The following FRMD4A variants were observed in gnomAD, a reference collection of about 807,000 sequenced individuals.
FRMD4A encodes the protein FERM domain-containing protein 4A.
Under a neutral mutation model 129.1 loss-of-function variants are expected in FRMD4A, and 29 were observed. That is an observed-to-expected ratio of 0.22 (90% CI 0.17 to 0.31). The LOEUF (loss-of-function observed/expected upper bound fraction) is 0.31. Ranked by LOEUF, FRMD4A falls within the 10% of genes least tolerant of loss-of-function variation. The pLI is 1.00. For synonymous variants in FRMD4A, 634 were observed against 571.6 expected (o/e 1.11, Z -1.56); for missense variants, 1,272 against 1,375.8 (o/e 0.92, Z 1.19).
intron 6 of FRMD4A, among the ~76,000 whole-genome samples, chr10:13,775,447 T>A (rs547907172): frequency 6.6e-6 from 1 of 152,338 alleles, no homozygotes; most frequent in African/African-American, 2.4e-5. Context: ...TATATTTCTA[T>A]ATCCAGTCAA....
intron 2 of FRMD4A, among the ~76,000 whole-genome samples, chr10:14,128,177 C>A (rs1839032999): frequency 6.6e-6 from 1 of 150,916 alleles, no homozygotes. Context: ...AATCTCAGCT[C>A]ACTGCAACAT....
At chr10:13,872,191 G>T (rs542287884) in intron 2 of FRMD4A, among the ~76,000 whole-genome samples, 1 of 152,170 alleles carries the variant, frequency 6.6e-6, no homozygotes, top group Non-Finnish European at 1.5e-5. Flanking sequence ...GCCCGGGGGC[G>T]CTGCAGGTCT....
chr10:14,231,007 AC>A (rs1272725777), intron 2 of FRMD4A, among the ~76,000 whole-genome samples: 2 of 152,130 alleles, frequency 1.3e-5, no homozygotes, highest in Non-Finnish European at 2.9e-5. Context: ...GTGTATATGT[AC>A]CATGTTTCTT....
At chr10:14,293,936 G>C (rs1589274940) in intron 2 of FRMD4A, among the ~76,000 whole-genome samples, 1 of 70,688 alleles carries the variant, frequency 1.4e-5, no homozygotes. Flanking sequence ...GTAAATTTAA[G>C]AAGAAGGAGA....
intron 2 of FRMD4A, among the ~76,000 whole-genome samples, chr10:14,283,447 T>G (rs549244114): frequency 2.0e-5 from 3 of 152,282 alleles, no homozygotes; most frequent in Admixed American, 2.0e-4. Flanking sequence ...ATCCCTATAT[T>G]CATGGTAAAG....
intron 2 of FRMD4A, among the ~76,000 whole-genome samples, chr10:13,959,471 T>TAAAAAAAAAAAAAA (rs56192445): frequency 3.8e-5 from 2 of 53,110 alleles, no homozygotes; most frequent in African/African-American, 1.5e-4. Context: ...GACTGTTTCA[T>TAAAAAAAAAAAAAA]AAAAAAAAAA....
At chr10:13,676,832 T>C (rs2084049686) in intron 15 of FRMD4A, among the ~76,000 whole-genome samples, 1 of 152,288 alleles carries the variant, frequency 6.6e-6, no homozygotes. Context: ...CCATTCTCCA[T>C]CAATCAATGC....
At chr10:13,865,664 G>C (rs1205002424) in intron 2 of FRMD4A, among the ~76,000 whole-genome samples, 1 of 151,278 alleles carries the variant, frequency 6.6e-6, no homozygotes, top group Admixed American at 6.6e-5. Flanking sequence ...TAAATTCTTG[G>C]ACTCCAGTGA....
intron 2 of FRMD4A, among the ~76,000 whole-genome samples, chr10:14,224,063 G>T (rs775250113): frequency 6.6e-6 from 1 of 152,128 alleles, no homozygotes; most frequent in East Asian, 1.9e-4. Context: ...CTGCTCAGGC[G>T]AGGAGTCCTG....
intron 9 of FRMD4A, among the ~76,000 whole-genome samples, chr10:13,741,330 A>G (rs1237298014): frequency 6.6e-6 from 1 of 152,152 alleles, no homozygotes; most frequent in Admixed American, 6.5e-5. Context: ...GTATGCCTGC[A>G]GTCCCAGCTA....
intron 14 of FRMD4A, among the ~76,000 whole-genome samples, chr10:13,698,365 C>A (rs557517967): frequency 1.3e-5 from 2 of 152,262 alleles, no homozygotes; most frequent in East Asian, 3.9e-4. Flanking sequence ...AGGATACCAG[C>A]CAGAACTGGC....
At chr10:14,253,495 T>C (rs1844508962) in intron 2 of FRMD4A, among the ~76,000 whole-genome samples, 2 of 152,222 alleles carry the variant, frequency 1.3e-5, no homozygotes, top group Admixed American at 6.5e-5. Context: ...TTTATATGAA[T>C]TCTATCTAAT....
chr10:13,729,056 TC>T (rs894620144), intron 12 of FRMD4A, among the ~76,000 whole-genome samples: 1 of 151,028 alleles, frequency 6.6e-6, no homozygotes, highest in African/African-American at 2.4e-5. Context: ...TTCTGGGAAC[TC>T]CCCATGCCCT....
At chr10:14,109,340 A>C (rs1837755189) in intron 2 of FRMD4A, among the ~76,000 whole-genome samples, 1 of 152,178 alleles carries the variant, frequency 6.6e-6, no homozygotes. Context: ...GTAGACCATA[A>C]TTTCCAGTTT....
intron 2 of FRMD4A, among the ~76,000 whole-genome samples, chr10:14,293,004 C>T (rs1264023865): frequency 6.7e-6 from 1 of 150,140 alleles, no homozygotes; most frequent in African/African-American, 2.4e-5. Context: ...TTATAAATGA[C>T]AAAGGATAAG....
chr10:13,850,216 A>G (rs1428526496), intron 3 of FRMD4A, among the ~76,000 whole-genome samples: 1 of 152,184 alleles, frequency 6.6e-6, no homozygotes, highest in African/African-American at 2.4e-5. Flanking sequence ...CTCAAAAAAA[A>G]AGAGAACCAA....
intron 18 of FRMD4A, among the ~76,000 whole-genome samples, chr10:13,665,464 G>C (rs575682135): frequency 6.6e-6 from 1 of 152,298 alleles, no homozygotes; most frequent in South Asian, 2.1e-4. Context: ...CACTGACTTA[G>C]ACAAGAAGGA....
chr10:14,049,793 T>C (rs1382520219), intron 2 of FRMD4A, among the ~76,000 whole-genome samples: 2 of 152,180 alleles, frequency 1.3e-5, no homozygotes, highest in African/African-American at 2.4e-5. Context: ...AGGCAGAGGT[T>C]GCAGTGAGCC....
At chr10:13,817,594 T>C (rs1399718771) in intron 3 of FRMD4A, among the ~76,000 whole-genome samples, 1 of 152,194 alleles carries the variant, frequency 6.6e-6, no homozygotes, top group Admixed American at 6.5e-5. Flanking sequence ...TCTATTCTGA[T>C]GGTAATGAAT....
Sources: allele counts gnomAD v4.1 joint callset (sites outside exome capture counted in the v4.1 genomes callset), GRCh38; gene constraint gnomAD v4.1.1; transcripts MANE v1.5; gene names NCBI Gene and HGNC (gene_info 2026-07-23, HGNC 2026-07-21).